GRK7: variants seen among roughly 807,000 people sequenced by gnomAD.
The protein encoded by GRK7 is G protein-coupled receptor kinase 7.
Under a neutral mutation model 34.1 loss-of-function variants are expected in GRK7, and 24 were observed. The observed-to-expected ratio is 0.70, with a 90% CI of 0.51 to 0.99. GRK7 has a LOEUF of 0.99. GRK7 is among the 50% of genes least tolerant of loss of function. GRK7 has a pLI of 0.00. For missense variants in GRK7, 644 were observed against 707.3 expected (o/e 0.91, Z 1.02); for synonymous variants, 256 against 279.4 (o/e 0.92, Z 0.84).
In GRK7 at chr3:141,780,670, G is replaced by C. The variant is rs762654234; in HGVS notation, c.909G>C (p.Gly303=). ...VIFYSAQIAC[G]MLHLHELGIV... is the part of the protein sequence containing the mutation. Reference sequence around the variant, plus strand: ...TTTACTCGGCCCAGATAGCCTGTGGGATGCTGCACCTCCATGAACTCGGCA... The same window carrying C: ...TTTACTCGGCCCAGATAGCCTGTGGCATGCTGCACCTCCATGAACTCGGCA... Residue 303 remains glycine (G), a synonymous_variant, in exon 4 of 6, where the codon GGG becomes GGC. Transcript: ENST00000682958. The C allele has an allele frequency of 1.2e-6, 2 of 1,614,224 alleles. No individual in the cohort carries two copies. Among genetic ancestry groups the C allele is most frequent in the Non-Finnish European group, 8.5e-7 (1 of 1,180,046 alleles).
At chr3:141,768,271 C>CTT (rs550541266) in intron 1 of GRK7, among the ~76,000 whole-genome samples, 1,702 of 137,894 alleles carry the variant, frequency 0.012, 32 homozygotes, top group East Asian at 0.072. Context: ...TCCTGTCAGC[C>CTT]TTTTTTTTTT....
intron 1 of GRK7, among the ~76,000 whole-genome samples, 101 bp from the exon 2 acceptor site, chr3:141,774,479 T>C (rs185241439): frequency 1.3e-5 from 2 of 152,186 alleles, no homozygotes; most frequent in Admixed American, 1.3e-4. Flanking sequence ...TAAATAGACC[T>C]TCAAGAAGTT....
chr3:141,751,239 T>A, the GRK7 span, among the ~76,000 whole-genome samples: 1 of 152,202 alleles, frequency 6.6e-6, no homozygotes, highest in East Asian at 1.9e-4. Context: ...CATTGTAAAT[T>A]AACCTCTGCC....
the GRK7 span, among the ~76,000 whole-genome samples, chr3:141,752,363 A>G: frequency 1.3e-5 from 2 of 152,198 alleles, no homozygotes. Flanking sequence ...GATGTCCACA[A>G]CGTAGTGGAG....
At chr3:141,775,926 G>C (rs559692706) in intron 2 of GRK7, among the ~76,000 whole-genome samples, 2 of 152,182 alleles carry the variant, frequency 1.3e-5, no homozygotes, top group East Asian at 3.9e-4. Flanking sequence ...GTGGAATCAA[G>C]CAGTTCATAG....
chr3:141,799,411 G>A (rs574635385), intron 4 of GRK7, among the ~76,000 whole-genome samples: 73 of 152,208 alleles, frequency 4.8e-4, no homozygotes, highest in African/African-American at 1.8e-3. Flanking sequence ...TCGGGAGTTC[G>A]AGACCAGCCT....
At chr3:141,799,427 A>C (rs1176444015) in intron 4 of GRK7, among the ~76,000 whole-genome samples, 1 of 152,170 alleles carries the variant, frequency 6.6e-6, no homozygotes, top group African/African-American at 2.4e-5. Context: ...AGCCTAGCTA[A>C]CATGGTGAAA....
chr3:141,774,779 GATTATTATT>G (rs72103272), intron 2 of GRK7, among the ~76,000 whole-genome samples, 99 bp downstream of exon 2: 30,356 of 147,672 alleles, frequency 0.21, 3,254 homozygotes, highest in Middle Eastern at 0.29. Context: ...TCACCAGTCA[GATTATTATT>G]ATTATTATTA....
chr3:141,807,614 G>T (rs766829180), intron 4 of GRK7, 31 bp from the exon 5 acceptor site: 1 of 1,602,000 alleles, frequency 6.2e-7, no homozygotes, highest in South Asian at 1.1e-5. Flanking sequence ...TTTGTTCTGT[G>T]TTGTCTTGTT....
At chr3:141,750,461 G>T in the GRK7 span, among the ~76,000 whole-genome samples, 3 of 152,132 alleles carry the variant, frequency 2.0e-5, no homozygotes, top group African/African-American at 7.2e-5. Flanking sequence ...TAACTTCTCT[G>T]TGCCTGTTTC....
At chr3:141,784,544 AC>A (rs2084686925) in intron 4 of GRK7, among the ~76,000 whole-genome samples, 1 of 151,776 alleles carries the variant, frequency 6.6e-6, no homozygotes, top group South Asian at 2.1e-4. Flanking sequence ...AGCTAAGTAA[AC>A]CCCCTTAGTT....
At chr3:141,798,171 T>A (rs1216691214) in intron 4 of GRK7, among the ~76,000 whole-genome samples, 3 of 152,176 alleles carry the variant, frequency 2.0e-5, no homozygotes, top group African/African-American at 7.2e-5. Flanking sequence ...CCTTAAGGTG[T>A]CTACCTTCCC....
chr3:141,777,118 G>T (rs555050917), intron 2 of GRK7, among the ~76,000 whole-genome samples: 1 of 152,226 alleles, frequency 6.6e-6, no homozygotes, highest in African/African-American at 2.4e-5. Context: ...AGGCTCCTTG[G>T]CATTCAGAGT....
Position 141,818,408 on chromosome 3 carries a change from G to A in GRK7, c.*1358G>A, listed in dbSNP as rs1490699891. The A allele has an allele frequency of 3.1e-4, 47 of 152,928 alleles. No homozygotes were observed. The highest frequency in any genetic ancestry group is 3.1e-3 in the Admixed American group (47 of 15,314). The allele number at this position is 152,928 out of a possible 1,614,324, so 9.5% of individuals were successfully genotyped here. ...AGGCAGGAGAATTGCTTGAACCCAG[G>A]AGGCGGAGGTTGTAGTGAGCCAAGA... On this transcript the variant is annotated 3_prime_UTR_variant, in exon 6 of 6. Coordinates refer to ENST00000682958, the MANE Select transcript of GRK7 (RefSeq NM_139209.3).
chr3:141,789,656 C>CAAAAAAAAAAAAAAAAAAAAAAAAA (rs60765509), intron 4 of GRK7, among the ~76,000 whole-genome samples: 32 of 119,240 alleles, frequency 2.7e-4, no homozygotes, highest in African/African-American at 5.2e-4. Context: ...GCCAAATGGG[C>CAAAAAAAAAAAAAAAAAAAAAAAAA]AAAAAAAAAA....
the GRK7 span, among the ~76,000 whole-genome samples, chr3:141,752,850 GA>G: frequency 3.3e-5 from 5 of 152,278 alleles, no homozygotes; most frequent in Non-Finnish European, 7.3e-5. Context: ...GGATGAGAGG[GA>G]TATCTCTCTT....
rs1200684683 is a variant in GRK7 at position 141,783,699 on chromosome 3, T to TG, written c.1050+2890dup. ...CCTAGAAGGGGATACAGTGGGGAAA[T>TG]GGAGTTTTGAGATGGGGAGGGCAGA... On this transcript the variant is annotated intron_variant, in intron 4 of 5. Coordinates refer to ENST00000682958, the MANE Select transcript of GRK7 (RefSeq NM_139209.3). 5.3e-5 allele frequency among the ~76,000 whole-genome samples: 8 copies of TG among 151,414 alleles called. No homozygotes were observed. The South Asian group carries it at 1.7e-3, about 32-fold the overall frequency.
chr3:141,768,243 C>T (rs2084599089), intron 1 of GRK7, among the ~76,000 whole-genome samples: 1 of 150,140 alleles, frequency 6.7e-6, no homozygotes, highest in African/African-American at 2.5e-5. Context: ...TTTAACCTCG[C>T]CCTCTAACCT....
rs944786030 is a variant in GRK7 at position 141,763,920 on chromosome 3, A to G, written c.-2033A>G. On this transcript the variant is annotated 5_prime_UTR_variant, in exon 1 of 6. Coordinates refer to ENST00000682958, the MANE Select transcript of GRK7 (RefSeq NM_139209.3). Reference sequence around the variant, plus strand: ...TTTCCCTAAAACCTGGTTCTCCCCCAAGGACACTGTTTCTTCTGCAACACT... The same window carrying G: ...TTTCCCTAAAACCTGGTTCTCCCCCGAGGACACTGTTTCTTCTGCAACACT... Among the ~76,000 whole-genome samples, 8 of 152,056 alleles carry G rather than the reference A, an allele frequency of 5.3e-5. No homozygotes were observed. Among genetic ancestry groups the G allele is most frequent in the African/African-American group, 1.9e-4 (8 of 41,398 alleles).
Sources: gnomAD v4.1 joint callset for allele counts (sites outside exome capture counted in the v4.1 genomes callset) on GRCh38, gnomAD v4.1.1 for gene constraint, MANE v1.5 for transcripts, NCBI Gene and HGNC (gene_info 2026-07-23, HGNC 2026-07-21) for gene names.